The following NME9 variants were observed in gnomAD, a reference collection of about 807,000 sequenced individuals.
The protein encoded by NME9 is thioredoxin domain-containing protein 6.
Under a neutral mutation model 44.4 loss-of-function variants are expected in NME9, and 48 were observed. The ratio of observed to expected loss-of-function variants is 1.08; its 90% CI spans 0.86 to 1.37. The LOEUF is 1.37. Ranked by LOEUF, NME9 falls within the 40% of genes most tolerant of loss-of-function variation. The pLI is 0.00. For synonymous variants in NME9, 139 were observed against 147.1 expected, an observed-to-expected ratio of 0.94 and a Z score of 0.40; for missense variants, 325 against 405.2, an observed-to-expected ratio of 0.80 and a Z score of 1.70.
intron 8 of NME9, chr3:138,262,634 C>T: frequency 1.3e-6 from 2 of 1,515,208 alleles, no homozygotes; most frequent in Non-Finnish European, 1.8e-6. Context: ...TAGCCCTGAC[C>T]CTGGAGAATC....
At chr3:138,325,750 T>C (rs1182598040) in intron 1 of NME9, among the ~76,000 whole-genome samples, 2 of 151,948 alleles carry the variant, frequency 1.3e-5, no homozygotes, top group African/African-American at 4.8e-5. Flanking sequence ...TTTGAAATAA[T>C]TTCAAACTTA....
At chr3:138,297,349 T>A (rs761083624), downstream of NME9, 3 of 152,172 alleles carry the variant, frequency 2.0e-5, no homozygotes, top group Non-Finnish European at 4.4e-5. Flanking sequence ...TCTTGACTGT[T>A]TGAAGGTAGA....
At position 138,281,201 on chromosome 3, in the gene NME9, G is replaced by A. The variant is rs533443842; in HGVS notation, c.746-18615C>T. Among the ~76,000 whole-genome samples the A allele has an allele frequency of 5.3e-5, 8 of 151,840 alleles. No individual in the cohort carries two copies. The East Asian group carries it at 5.8e-4, about 11-fold the overall frequency. On this transcript the variant is annotated intron_variant, in intron 8 of 8. Coordinates refer to the NME9 transcript ENST00000317876. ...CATATTAGTATATACACTAATATGC[G>A]TACATTAATGGTGTGGGTGTGTGTG...
In NME9 at chr3:138,318,366, A is replaced by G. The variant is rs2053236902; in HGVS notation, c.196-147T>C. On this transcript the variant is annotated intron_variant, in intron 3 of 10. Transcript: ENST00000333911. The stretch of plus-strand genomic sequence containing the variant: ...ATTTGCTCTCATGCTGTTCCTGCTA[A>G]TCAGAGCTGTCCTATAAAATTGCGG... The G allele has an allele frequency of 2.4e-5, 16 of 661,858 alleles. No homozygotes were observed. In the South Asian group the frequency reaches 2.6e-4, roughly 11 times the overall value. The allele number at this position is 661,858 out of a possible 1,614,324, so 41.0% of individuals were successfully genotyped here.
chr3:138,262,497 C>T (rs2047840246), exon 9 of NME9: 1 of 1,584,358 alleles, frequency 6.3e-7, no homozygotes, highest in African/African-American at 1.4e-5. Context: ...TGAGGTTTTC[C>T]ACTCTCTCAT....
chr3:138,319,011 A>T (rs1324977981), intron 3 of NME9, among the ~76,000 whole-genome samples: 3 of 152,084 alleles, frequency 2.0e-5, no homozygotes, highest in Non-Finnish European at 4.4e-5. Flanking sequence ...CAGCCTGGGC[A>T]ATATAATTAT....
chr3:138,283,066 A>T (rs1442561895), intron 8 of NME9, among the ~76,000 whole-genome samples: 1 of 152,198 alleles, frequency 6.6e-6, no homozygotes, highest in Non-Finnish European at 1.5e-5. Flanking sequence ...CCCTGGAATA[A>T]ATAGTTCCCC....
intron 1 of NME9, among the ~76,000 whole-genome samples, chr3:138,325,869 T>C (rs1258067045): frequency 1.3e-5 from 2 of 151,892 alleles, no homozygotes; most frequent in African/African-American, 4.8e-5. Context: ...GAATATATTA[T>C]TCCTATATAA....
intron 9 of NME9, among the ~76,000 whole-genome samples, chr3:138,303,944 A>T (rs2052032499): frequency 6.6e-6 from 1 of 152,204 alleles, no homozygotes; most frequent in South Asian, 2.1e-4. Flanking sequence ...TTAATGGTGT[A>T]AGCACAGGAG....
intron 8 of NME9, among the ~76,000 whole-genome samples, chr3:138,264,653 C>T (rs367595859): frequency 3.3e-5 from 5 of 151,794 alleles, no homozygotes; most frequent in Admixed American, 6.6e-5. Context: ...CTCCTGACCA[C>T]GTGATCTGCC....
chr3:138,274,232 CATGT>C (rs761808314), intron 8 of NME9, among the ~76,000 whole-genome samples: 24 of 145,390 alleles, frequency 1.7e-4, no homozygotes, highest in African/African-American at 6.4e-4. Flanking sequence ...TGTGTATATA[CATGT>C]GTGTGTGTGT....
intron 8 of NME9, among the ~76,000 whole-genome samples, chr3:138,265,339 CCT>C (rs2048176540): frequency 6.6e-6 from 1 of 152,150 alleles, no homozygotes; most frequent in African/African-American, 2.4e-5. Flanking sequence ...AATGTTATCC[CCT>C]GATACACTAC....
chr3:138,312,497 A>G (rs775781791), intron 6 of NME9, among the ~76,000 whole-genome samples: 3 of 152,346 alleles, frequency 2.0e-5, no homozygotes, highest in East Asian at 1.9e-4. Flanking sequence ...AGAACATACA[A>G]TGGTGAAAAG....
intron 8 of NME9, 115 bp downstream of exon 8, chr3:138,305,889 T>A: frequency 1.3e-6 from 1 of 743,896 alleles, no homozygotes; most frequent in Admixed American, 2.1e-5. Flanking sequence ...CACTTGCTGT[T>A]CCTATTTTGG....
At chr3:138,282,428 A>G (rs1162166658) in intron 8 of NME9, among the ~76,000 whole-genome samples, 1 of 152,070 alleles carries the variant, frequency 6.6e-6, no homozygotes. Flanking sequence ...CGGGTGGATC[A>G]TGAGGTCAGG....
intron 1 of NME9, among the ~76,000 whole-genome samples, chr3:138,328,277 G>T (rs1050434940): frequency 7.2e-5 from 11 of 152,140 alleles, no homozygotes; most frequent in African/African-American, 2.7e-4. Flanking sequence ...GACACAGTTG[G>T]CTATAGAGGA....
chr3:138,297,579 A>T (rs938717685), downstream of NME9: 2 of 152,238 alleles, frequency 1.3e-5, no homozygotes, highest in Non-Finnish European at 2.9e-5. Context: ...TGAATGTTTT[A>T]AAAATGTATT....
chr3:138,272,649 A>G (rs985726490), intron 8 of NME9, among the ~76,000 whole-genome samples: 2 of 152,190 alleles, frequency 1.3e-5, no homozygotes, highest in Admixed American at 6.5e-5. Flanking sequence ...GGCCAAAGCA[A>G]GTGGATCACG....
At chr3:138,293,901 T>C (rs1404007511) in intron 8 of NME9, among the ~76,000 whole-genome samples, 1 of 152,220 alleles carries the variant, frequency 6.6e-6, no homozygotes, top group Non-Finnish European at 1.5e-5. Flanking sequence ...TGTTTTCACA[T>C]AAGTTTTTAG....
Sources: gnomAD v4.1 joint callset for allele counts (sites outside exome capture counted in the v4.1 genomes callset) on GRCh38, gnomAD v4.1.1 for gene constraint, MANE v1.5 for transcripts, NCBI Gene and HGNC (gene_info 2026-07-23, HGNC 2026-07-21) for gene names.